The following MAP2K4 variants were observed in gnomAD, a reference collection of about 807,000 sequenced individuals.
MAP2K4 encodes the protein mitogen-activated protein kinase kinase 4, also known as dual specificity mitogen-activated protein kinase kinase 4.
A neutral mutation model predicts 48.5 loss-of-function variants in MAP2K4; 4 were observed. The ratio of observed to expected loss-of-function variants is 0.08; its 90% confidence interval spans 0.04 to 0.19. MAP2K4 has a LOEUF of 0.19. Among genes scored for constraint, MAP2K4 ranks in the 10% least tolerant of loss-of-function variants. The pLI, the probability that MAP2K4 is intolerant of heterozygous loss-of-function variation, is 1.00. For missense variants in MAP2K4, 258 were observed against 493.3 expected (o/e 0.52, Z 4.52); for synonymous variants, 166 against 173.1 (o/e 0.96, Z 0.32).
intron 1 of MAP2K4, among the ~76,000 whole-genome samples, chr17:12,035,545 AAAAT>A (rs1320580814): frequency 3.3e-5 from 5 of 152,108 alleles, no homozygotes; most frequent in Non-Finnish European, 4.4e-5. Flanking sequence ...ACTCCATATC[AAAAT>A]AAATAAAATA....
chr17:12,129,319 G>T (rs11658092), intron 9 of MAP2K4, 32 bp downstream of exon 9: 1 of 1,613,758 alleles, frequency 6.2e-7, no homozygotes, highest in Admixed American at 1.7e-5. Flanking sequence ...GGTCGAACAC[G>T]CATGGCGAGA....
At chr17:12,030,013 G>A (rs890742363) in intron 1 of MAP2K4, among the ~76,000 whole-genome samples, 2 of 152,004 alleles carry the variant, frequency 1.3e-5, no homozygotes, top group African/African-American at 2.4e-5. Context: ...TAAAGTTGAG[G>A]ATATTGGAAG....
At chr17:12,118,392 G>C (rs1245936707) in intron 7 of MAP2K4, among the ~76,000 whole-genome samples, 1 of 152,080 alleles carries the variant, frequency 6.6e-6, no homozygotes, top group Non-Finnish European at 1.5e-5. Context: ...CATCCTTCCT[G>C]TTTTCAAGAA....
chr17:12,032,034 C>T (rs2151510206), intron 1 of MAP2K4, among the ~76,000 whole-genome samples: 1 of 152,188 alleles, frequency 6.6e-6, no homozygotes, highest in East Asian at 1.9e-4. Context: ...ATTAAGACTG[C>T]AACACAATTT....
intron 7 of MAP2K4, among the ~76,000 whole-genome samples, chr17:12,120,005 T>C (rs753788748): frequency 6.6e-6 from 1 of 152,154 alleles, no homozygotes; most frequent in African/African-American, 2.4e-5. Context: ...TGGGGCCTAC[T>C]TGAGTGTGGG....
chr17:12,101,653 C>A (rs1033632632), intron 4 of MAP2K4, among the ~76,000 whole-genome samples: 1 of 151,980 alleles, frequency 6.6e-6, no homozygotes, highest in Non-Finnish European at 1.5e-5. Flanking sequence ...GTCTGTTGAC[C>A]CTTTTTTGTG....
Position 12,020,904 on chromosome 17 carries a change from G to C in MAP2K4, c.18G>C (p.Pro6=), listed in dbSNP as rs1035833226. ...TCCCAACAATGGCGGCTCCGAGCCC[G>C]AGCGGCGGCGGCGGCTCCGGGGGCG... MAAPS[P]SGGGGSGGGS... Residue 6 remains proline (P), a synonymous_variant, in exon 1 of 11, where the codon CCG becomes CCC. Coordinates refer to ENST00000353533, the MANE Select transcript of MAP2K4 (RefSeq NM_003010.4). 2.8e-5 allele frequency: 32 copies of C among 1,139,320 alleles called. No individual in the cohort carries two copies. The highest frequency in any genetic ancestry group is 3.2e-5 in the Non-Finnish European group (30 of 930,790). 70.6% of individuals were successfully genotyped at this position (1,139,320 alleles called of 1,614,324 possible).
intron 9 of MAP2K4, among the ~76,000 whole-genome samples, chr17:12,136,286 C>G (rs1973206806): frequency 6.6e-6 from 1 of 151,826 alleles, no homozygotes; most frequent in Non-Finnish European, 1.5e-5. Flanking sequence ...TGAAAGGAAA[C>G]AAAAAATAAG....
intron 2 of MAP2K4, among the ~76,000 whole-genome samples, chr17:12,057,543 T>A (rs891653730): frequency 1.3e-5 from 2 of 152,212 alleles, no homozygotes; most frequent in African/African-American, 4.8e-5. Flanking sequence ...TGTATCAGAT[T>A]AACCCTTTTA....
intron 1 of MAP2K4, among the ~76,000 whole-genome samples, chr17:12,045,469 C>T (rs1437229495): frequency 6.6e-6 from 1 of 152,138 alleles, no homozygotes; most frequent in African/African-American, 2.4e-5. Context: ...GACTAGAAGC[C>T]ACTCCGTGGG....
chr17:12,105,791 A>G (rs1972091112), intron 4 of MAP2K4, among the ~76,000 whole-genome samples: 1 of 151,866 alleles, frequency 6.6e-6, no homozygotes, highest in Admixed American at 6.6e-5. Context: ...TCTCTATCTC[A>G]TTGCTCTTTT....
chr17:12,039,729 T>C (rs892255216), intron 1 of MAP2K4, among the ~76,000 whole-genome samples: 2 of 152,222 alleles, frequency 1.3e-5, no homozygotes, highest in African/African-American at 4.8e-5. Flanking sequence ...TTTGTTCAAG[T>C]TGAGACCTCA....
intron 1 of MAP2K4, among the ~76,000 whole-genome samples, chr17:12,041,531 C>T (rs1197729858): frequency 1.3e-5 from 2 of 152,176 alleles, no homozygotes; most frequent in Non-Finnish European, 2.9e-5. Context: ...TTTTCAAAGC[C>T]AGAAGATGTC....
Position 12,037,630 on chromosome 17 carries a change from T to TTATA in MAP2K4, c.115+16636_115+16639dup, listed in dbSNP as rs10687895. On this transcript the variant is annotated intron_variant, in intron 1 of 10. Transcript: ENST00000353533. ...GGAGGTTTATACAGTTTATATAAGT[T>TTATA]TATATATATAGTTAATGAAGTTAGT... is the stretch of plus-strand genomic sequence containing the variant. Among the ~76,000 whole-genome samples, 12 of 151,776 alleles carry TTATA rather than the reference T, an allele frequency of 7.9e-5. No individual in the cohort carries two copies. The East Asian group carries it at 9.7e-4, about 12-fold the overall frequency.
chr17:12,081,635 G>T lies in MAP2K4; in HGVS notation c.393+105G>T. 1 of 1,205,530 alleles carries T rather than the reference G, an allele frequency of 8.3e-7. No homozygotes were observed. Among genetic ancestry groups the T allele is most frequent in the Non-Finnish European group, 1.2e-6 (1 of 860,274 alleles). The allele number at this position is 1,205,530 out of a possible 1,614,324, so 74.7% of individuals were successfully genotyped here. A position where few individuals can be genotyped will look rare whatever the true frequency, so the allele number is the denominator to read the frequency against. On this transcript the variant is annotated intron_variant, in intron 3 of 10. Coordinates refer to ENST00000353533, the MANE Select transcript of MAP2K4 (RefSeq NM_003010.4). The surrounding 1 kb of genome is among the most constrained non-coding windows in gnomAD (Gnocchi z 4.2). ...GTTCCTACTTTTGTGGTAAATGTGGGTGTTTAAAAAATTGTTTCTCCAACT... is the reference window on the plus strand; with the variant it reads ...GTTCCTACTTTTGTGGTAAATGTGGTTGTTTAAAAAATTGTTTCTCCAACT...
At position 12,034,358 on chromosome 17, in the gene MAP2K4, A is replaced by G. The variant is rs114292849; in HGVS notation, c.115+13357A>G. On this transcript the variant is annotated intron_variant, in intron 1 of 10. Coordinates refer to ENST00000353533, the MANE Select transcript of MAP2K4 (RefSeq NM_003010.4). ...AGGCTGGGACAGCGGAACCTGTTAG[A>G]ACTTAATTATGTGGTGGAGGGGCAT... Among the ~76,000 whole-genome samples the G allele has an allele frequency of 6.8e-3, 1,037 of 152,318 alleles. 17 individuals carry two copies. Among genetic ancestry groups the G allele is most frequent in the African/African-American group, 0.024 (985 of 41,564 alleles).
chr17:12,030,975 G>A (rs1969419073), intron 1 of MAP2K4, among the ~76,000 whole-genome samples: 1 of 152,146 alleles, frequency 6.6e-6, no homozygotes, highest in Non-Finnish European at 1.5e-5. Flanking sequence ...GTGGTAGGAG[G>A]CCAGTGGCTT....
intron 3 of MAP2K4, among the ~76,000 whole-genome samples, chr17:12,087,146 C>T (rs1971394717): frequency 6.6e-6 from 1 of 152,280 alleles, no homozygotes; most frequent in Non-Finnish European, 1.5e-5. Context: ...CCACGCCCAG[C>T]CAAAAACCTG....
chr17:12,073,997 C>G (rs1970910754), intron 2 of MAP2K4, among the ~76,000 whole-genome samples: 2 of 152,116 alleles, frequency 1.3e-5, no homozygotes. Context: ...TGAGCTCAAA[C>G]TCCCGACCTC....
Sources: allele counts gnomAD v4.1 joint callset (sites outside exome capture counted in the v4.1 genomes callset), GRCh38; gene constraint gnomAD v4.1.1; non-coding constraint Gnocchi (gnomAD v3.1); transcripts MANE v1.5; gene names NCBI Gene and HGNC (gene_info 2026-07-23, HGNC 2026-07-21).